Variants in RFX3 observed in about 807,000 individuals in gnomAD.
RFX3 encodes the protein regulatory factor X3, also known as transcription factor RFX3.
In RFX3, 14 loss-of-function variants were observed where a neutral mutation model predicts 98.6. The observed-to-expected ratio is 0.14, with a 90% confidence interval of 0.09 to 0.22. The LOEUF (loss-of-function observed/expected upper bound fraction) is 0.22. Among genes scored for constraint, RFX3 ranks in the 10% least tolerant of loss-of-function variants. The pLI is 1.00. For missense variants in RFX3, 639 were observed against 926.9 expected (o/e 0.69, Z 4.03); for synonymous variants, 383 against 328.4 (o/e 1.17, Z -1.80).
At chr9:3,304,958 A>G (rs531634265) in intron 4 of RFX3, among the ~76,000 whole-genome samples, 2 of 152,162 alleles carry the variant, frequency 1.3e-5, no homozygotes, top group East Asian at 3.9e-4. Context: ...GGATGTAATG[A>G]AAACTGTGAA....
chr9:3,496,522 A>C (rs1458101514), intron 1 of RFX3, among the ~76,000 whole-genome samples: 1 of 151,996 alleles, frequency 6.6e-6, no homozygotes, highest in Non-Finnish European at 1.5e-5. Flanking sequence ...CATATCCTAT[A>C]CCACAAAGAC....
At chr9:3,347,479 T>C (rs1834575952) in intron 2 of RFX3, among the ~76,000 whole-genome samples, 3 of 152,142 alleles carry the variant, frequency 2.0e-5, no homozygotes, top group African/African-American at 4.8e-5. Context: ...GTACTTGTCA[T>C]CCAAGATAAA....
chr9:3,284,234 T>C (rs977273963), intron 7 of RFX3, among the ~76,000 whole-genome samples: 1 of 151,744 alleles, frequency 6.6e-6, no homozygotes, highest in Admixed American at 6.6e-5. Flanking sequence ...ATCTAAAATA[T>C]ACATGCCAAT....
intron 5 of RFX3, among the ~76,000 whole-genome samples, chr9:3,299,184 A>G (rs1314451162): frequency 6.6e-6 from 1 of 151,794 alleles, no homozygotes; most frequent in Non-Finnish European, 1.5e-5. Context: ...TCTCCACTGA[A>G]AAAATTCTAC....
At chr9:3,261,866 G>A (rs1469350042) in intron 13 of RFX3, among the ~76,000 whole-genome samples, 6 of 151,932 alleles carry the variant, frequency 3.9e-5, no homozygotes, top group Middle Eastern at 3.2e-3. Context: ...ATGGTACCTC[G>A]CTGTGGTTTT....
chr9:3,274,728 A>G (rs903671339), intron 9 of RFX3, among the ~76,000 whole-genome samples: 3 of 152,140 alleles, frequency 2.0e-5, no homozygotes, highest in Non-Finnish European at 2.9e-5. Context: ...AATTCAAAAG[A>G]TAAAACAGGT....
intron 8 of RFX3, among the ~76,000 whole-genome samples, chr9:3,275,983 G>A (rs564004104): frequency 9.9e-5 from 15 of 152,016 alleles, no homozygotes; most frequent in Middle Eastern, 3.4e-3. Flanking sequence ...ATAAAAAAAC[G>A]AATTTTAAAC....
At chr9:3,457,139 CAAAAAAAAAAAAAA>C (rs1169959832) in intron 1 of RFX3, among the ~76,000 whole-genome samples, 17 of 22,814 alleles carry the variant, frequency 7.5e-4, no homozygotes, top group East Asian at 5.5e-3. Context: ...GACTCCATCT[CAAAAAAAAAAAAAA>C]AAAAAAAAAA....
rs951761591 is a variant in RFX3 at position 3,221,807 on chromosome 9, T to G, written c.*3235A>C. On this transcript the variant is annotated 3_prime_UTR_variant, in exon 17 of 17. Transcript: ENST00000617270. Reference sequence around the variant, plus strand: ...ACCCATGATACTCAATCCTATCATATGAAAATATCTTTTCTGAAACTTGAA... The same window carrying G: ...ACCCATGATACTCAATCCTATCATAGGAAAATATCTTTTCTGAAACTTGAA... The G allele has an allele frequency of 1.9e-4, 29 of 152,214 alleles. No individual in the cohort carries two copies. Among genetic ancestry groups the G allele is most frequent in the African/African-American group, 6.8e-4 (28 of 41,466 alleles). 9.4% of individuals were successfully genotyped at this position (152,214 alleles called of 1,614,324 possible).
chr9:3,355,337 A>G (rs911825814), intron 2 of RFX3, among the ~76,000 whole-genome samples: 6 of 151,838 alleles, frequency 4.0e-5, no homozygotes, highest in Admixed American at 6.6e-5. Context: ...ATATACAGAA[A>G]CAGGTTAAAA....
intron 1 of RFX3, among the ~76,000 whole-genome samples, chr9:3,479,174 T>G (rs1312674140): frequency 1.3e-5 from 2 of 152,182 alleles, no homozygotes; most frequent in African/African-American, 4.8e-5. Context: ...CAAGATTCAC[T>G]AGTTTTCTCT....
chr9:3,381,887 T>C (rs994986423), intron 2 of RFX3, among the ~76,000 whole-genome samples: 4 of 152,120 alleles, frequency 2.6e-5, no homozygotes, highest in African/African-American at 9.7e-5. Context: ...AAATAAAAAG[T>C]TATATATATT....
chr9:3,287,630 T>C (rs1826801120), intron 7 of RFX3, among the ~76,000 whole-genome samples: 1 of 151,962 alleles, frequency 6.6e-6, no homozygotes, highest in South Asian at 2.1e-4. Flanking sequence ...CGTCCATCCA[T>C]CCATCATTCA....
chr9:3,370,005 T>G (rs1236669654), intron 2 of RFX3, among the ~76,000 whole-genome samples: 1 of 129,126 alleles, frequency 7.7e-6, no homozygotes, highest in Non-Finnish European at 1.8e-5. Flanking sequence ...ATTTTTTTTT[T>G]TTTTTTTTTG....
intron 1 of RFX3, among the ~76,000 whole-genome samples, chr9:3,407,906 T>G (rs1842102367): frequency 6.6e-6 from 1 of 152,136 alleles, no homozygotes; most frequent in African/African-American, 2.4e-5. Context: ...CAGATAGGCT[T>G]GTTGGAATTT....
At chr9:3,364,156 G>C (rs1836784215) in intron 2 of RFX3, among the ~76,000 whole-genome samples, 1 of 152,196 alleles carries the variant, frequency 6.6e-6, no homozygotes, top group East Asian at 1.9e-4. Flanking sequence ...TTACAGGCAT[G>C]AACCACTGCA....
intron 1 of RFX3, among the ~76,000 whole-genome samples, chr9:3,476,938 A>C (rs1333906205): frequency 6.6e-6 from 1 of 152,168 alleles, no homozygotes; most frequent in Non-Finnish European, 1.5e-5. Flanking sequence ...TTTCTTTCTT[A>C]ATTCAATTTT....
chr9:3,247,577 G>T (rs1164233022), intron 15 of RFX3: 1 of 1,222,398 alleles, frequency 8.2e-7, no homozygotes. Flanking sequence ...TCCAAAAAAT[G>T]TTAGTTATCA....
chr9:3,225,292 A>C lies in RFX3; in HGVS notation c.2012-12T>G. ...TTCACTGCCTTCATCTGCACAAACA[A>C]ATAATACCAAGACTATCATCGAAGA... On this transcript the variant is annotated splice_polypyrimidine_tract_variant and intron_variant, in intron 16 of 16. Transcript: ENST00000617270. 6.2e-7 allele frequency: 1 copy of C among 1,612,346 alleles called. No homozygotes were observed. The highest frequency in any genetic ancestry group is 1.7e-4 in the Middle Eastern group (1 of 6,054).
Sources: allele counts gnomAD v4.1 joint callset (sites outside exome capture counted in the v4.1 genomes callset), GRCh38; gene constraint gnomAD v4.1.1; transcripts MANE v1.5; gene names NCBI Gene and HGNC (gene_info 2026-07-23, HGNC 2026-07-21).